GNAI2: variants seen among roughly 807,000 people sequenced by gnomAD.
GNAI2 encodes the protein guanine nucleotide-binding protein G(i) subunit alpha-2.
GNAI2 carries 4 observed loss-of-function variants against 36.8 expected under a neutral mutation model. The observed-to-expected ratio is 0.11, with a 90% confidence interval of 0.05 to 0.25. GNAI2 has a LOEUF of 0.25. GNAI2 is among the 10% of genes least tolerant of loss of function. The probability of loss-of-function intolerance (pLI) is 1.00; values close to 1 mark genes in which losing one functional copy is unlikely to be tolerated. For synonymous variants in GNAI2, 194 were observed against 194.1 expected, an observed-to-expected ratio of 1.00 and a Z score of 0.01; for missense variants, 230 against 481.3, an observed-to-expected ratio of 0.48 and a Z score of 4.89.
At chr3:50,257,393 C>T in intron 7 of GNAI2, 107 bp from the exon 8 acceptor site, 1 of 720,052 alleles carries the variant, frequency 1.4e-6, no homozygotes, top group Non-Finnish European at 2.3e-6. Flanking sequence ...CACATGCATG[C>T]ACAGGTTGTA....
intron 1 of GNAI2, chr3:50,251,405 G>T: frequency 9.8e-7 from 1 of 1,016,086 alleles, no homozygotes; most frequent in Non-Finnish European, 1.2e-6. Context: ...GGAAAAGCTT[G>T]AGTCAGTATG....
At chr3:50,258,021 C>T (rs1700752030) in intron 8 of GNAI2, 1 of 257,254 alleles carries the variant, frequency 3.9e-6, no homozygotes, top group African/African-American at 2.2e-5. Context: ...CCTCACCCAC[C>T]AGGCCATTGG....
At chr3:50,244,323 C>CCGGCTG (rs1700366329) in intron 1 of GNAI2, among the ~76,000 whole-genome samples, 1 of 152,172 alleles carries the variant, frequency 6.6e-6, no homozygotes, top group African/African-American at 2.4e-5. Context: ...GCCACTGCGC[C>CCGGCTG]CGGCTGCAGC....
chr3:50,256,169 A>AAC, intron 4 of GNAI2, 23 bp from the exon 5 acceptor site: 4 of 735,360 alleles, frequency 5.4e-6, no homozygotes, highest in Admixed American at 2.0e-5. Flanking sequence ...GCCCCCACTG[A>AAC]CCCTCCCACC....
Position 50,255,822 on chromosome 3 carries a change from G to A in GNAI2, c.465-370G>A, listed in dbSNP as rs1422322906. Among the ~76,000 whole-genome samples the A allele has an allele frequency of 6.6e-6, 1 of 151,956 alleles. No individual in the cohort carries two copies. The highest frequency in any genetic ancestry group is 2.4e-5 in the African/African-American group (1 of 41,360). ...TCCCAGCACTCTGGGAGGCCGAGGT[G>A]GGCGGATCACCTGAGGTTGAGAGGT... On this transcript the variant is annotated intron_variant, in intron 4 of 8. Coordinates refer to ENST00000313601, the MANE Select transcript of GNAI2 (RefSeq NM_002070.4). The surrounding 1 kb of genome is among the most constrained non-coding windows in gnomAD (Gnocchi z 4.0).
chr3:50,246,473 G>A (rs887318113), intron 1 of GNAI2, among the ~76,000 whole-genome samples: 1 of 152,230 alleles, frequency 6.6e-6, no homozygotes, highest in Non-Finnish European at 1.5e-5. Context: ...CCTGGGATAA[G>A]AGAAGGAGGT....
chr3:50,229,070 AT>A (rs925057136), upstream of GNAI2: 5 of 152,320 alleles, frequency 3.3e-5, no homozygotes, highest in African/African-American at 1.2e-4. Context: ...CCTTCATTAA[AT>A]TAAATTCCAG....
At position 50,241,413 on chromosome 3, in the gene GNAI2, T is replaced by C. The variant is rs974996123; in HGVS notation, c.118+4960T>C. ...AAGGAGTGAACAGGGGTCCAAGCTA[T>C]AGCTGACCCCCTCTGCCTGCATCCT... On this transcript the variant is annotated intron_variant, in intron 1 of 8. Coordinates refer to ENST00000313601, the MANE Select transcript of GNAI2 (RefSeq NM_002070.4). This position sits in a 1 kb window ranked among gnomAD's most constrained non-coding sequence, Gnocchi z 5.0. Among the ~76,000 whole-genome samples the C allele has an allele frequency of 1.8e-4, 27 of 152,170 alleles. No homozygotes were observed. Among genetic ancestry groups the C allele is most frequent in the African/African-American group, 6.3e-4 (26 of 41,444 alleles).
chr3:50,227,462 G>A, upstream of GNAI2: 2 of 299,904 alleles, frequency 6.7e-6, no homozygotes, highest in Non-Finnish European at 1.2e-5. This position sits in a 1 kb window ranked among gnomAD's most constrained non-coding sequence, Gnocchi z 5.9. Flanking sequence ...GGAGGTGCTA[G>A]GTCGGCCTCG....
upstream of GNAI2, among the ~76,000 whole-genome samples, chr3:50,232,307 G>A (rs1553699858): frequency 6.6e-6 from 1 of 152,074 alleles, no homozygotes; most frequent in East Asian, 1.9e-4. Context: ...TCCAGCTTGG[G>A]TGATAGAGTC....
rs1700299223 is a variant in GNAI2, at chr3:50,241,494, C to T, written c.118+5041C>T. On this transcript the variant is annotated intron_variant, in intron 1 of 8. Transcript: ENST00000313601. This position sits in a 1 kb window ranked among gnomAD's most constrained non-coding sequence, Gnocchi z 5.0. ...CTCACGCCAGTGTCAGTGCAGCCAA[C>T]ATGAGGTCATACCTCTAGGGTAGGA... 6.6e-6 allele frequency among the ~76,000 whole-genome samples: 1 copy of T among 152,214 alleles called. No individual in the cohort carries two copies. Among genetic ancestry groups the T allele is most frequent in the Non-Finnish European group, 1.5e-5 (1 of 68,034 alleles).
Position 50,253,738 on chromosome 3 carries a change from A to G in GNAI2, c.464+554A>G, listed in dbSNP as rs1475933796. ...TAGCTTGGGTGACAGAGCAAGACTC[A>G]GAACATTTGCTGCCACCTGTTCTGT... On this transcript the variant is annotated intron_variant, in intron 4 of 8. Transcript: ENST00000313601. This position sits in a 1 kb window ranked among gnomAD's most constrained non-coding sequence, Gnocchi z 4.2. Among the ~76,000 whole-genome samples the G allele has an allele frequency of 6.6e-6, 1 of 152,208 alleles. No homozygotes were observed. The highest frequency in any genetic ancestry group is 6.5e-5 in the Admixed American group (1 of 15,278).
In GNAI2 at chr3:50,253,307, G is replaced by A; in HGVS notation, c.464+123G>A. The stretch of plus-strand genomic sequence containing the variant: ...GTCTTTGCTTATGAAACCGATGACT[G>A]TTAACCAAGGCCTTCCTGTTTTTTG... On this transcript the variant is annotated intron_variant, in intron 4 of 8. Coordinates refer to ENST00000313601, the MANE Select transcript of GNAI2 (RefSeq NM_002070.4). This position sits in a 1 kb window ranked among gnomAD's most constrained non-coding sequence, Gnocchi z 4.2. 4 of 493,126 alleles carry A rather than the reference G, an allele frequency of 8.1e-6. No individual in the cohort carries two copies. Among genetic ancestry groups the A allele is most frequent in the Non-Finnish European group, 1.4e-5 (4 of 283,842 alleles). 30.5% of individuals were successfully genotyped at this position (493,126 alleles called of 1,614,324 possible).
chr3:50,240,241 C>T (rs1166384703), intron 1 of GNAI2, among the ~76,000 whole-genome samples: 1 of 151,990 alleles, frequency 6.6e-6, no homozygotes, highest in Non-Finnish European at 1.5e-5. Context: ...TCTAATGGTG[C>T]CTGTGAAGGG....
chr3:50,245,264 C>A (rs939234908), intron 1 of GNAI2, among the ~76,000 whole-genome samples: 3 of 152,196 alleles, frequency 2.0e-5, no homozygotes, highest in Non-Finnish European at 1.5e-5. Flanking sequence ...TCCCAAAGTG[C>A]TGGGAATACA....
intron 1 of GNAI2, among the ~76,000 whole-genome samples, chr3:50,246,156 TTGTC>T (rs1461152143): frequency 6.6e-6 from 1 of 152,148 alleles, no homozygotes; most frequent in Non-Finnish European, 1.5e-5. Context: ...CAGAGGGCCT[TTGTC>T]TGGCGGGGTC....
chr3:50,249,847 CT>C, intron 1 of GNAI2, among the ~76,000 whole-genome samples: 1 of 152,234 alleles, frequency 6.6e-6, no homozygotes, highest in Non-Finnish European at 1.5e-5. Context: ...AGGGTGGTCT[CT>C]GGCGTAGGGG....
In GNAI2 at chr3:50,236,551, G is replaced by A; in HGVS notation, c.118+98G>A. On this transcript the variant is annotated intron_variant, in intron 1 of 8. Coordinates refer to ENST00000313601, the MANE Select transcript of GNAI2 (RefSeq NM_002070.4). This position sits in a 1 kb window ranked among gnomAD's most constrained non-coding sequence, Gnocchi z 4.0. ...ACTAGGGCTTCAAACTCCCAGACCC[G>A]GGCTGTCTGGGACCCCACACCTGGG... 1 of 1,453,346 alleles carries A rather than the reference G, an allele frequency of 6.9e-7. No homozygotes were observed. The highest frequency in any genetic ancestry group is 3.0e-5 in the Admixed American group (1 of 33,680). The allele number at this position is 1,453,346 out of a possible 1,614,324, so 90.0% of individuals were successfully genotyped here. A position where few individuals can be genotyped will look rare whatever the true frequency, so the allele number is the denominator to read the frequency against.
At chr3:50,227,996 G>GGT (rs2109167455), upstream of GNAI2, among the ~76,000 whole-genome samples, 1 of 152,286 alleles carries the variant, frequency 6.6e-6, no homozygotes, top group Non-Finnish European at 1.5e-5. The surrounding 1 kb of genome is among the most constrained non-coding windows in gnomAD (Gnocchi z 5.9). Context: ...CCGATCTTTA[G>GGT]GTGTCTGAGC....
Sources: allele counts gnomAD v4.1 joint callset (sites outside exome capture counted in the v4.1 genomes callset), GRCh38; gene constraint gnomAD v4.1.1; non-coding constraint Gnocchi (gnomAD v3.1); transcripts MANE v1.5; gene names NCBI Gene and HGNC (gene_info 2026-07-23, HGNC 2026-07-21).